SCAPER: variants seen among roughly 807,000 people sequenced by gnomAD.
SCAPER encodes S-phase cyclin A associated protein in the ER.
In SCAPER, 98 loss-of-function variants were observed where a neutral mutation model predicts 182.2. The observed-to-expected ratio is 0.54, with a 90% CI of 0.46 to 0.64. The LOEUF (loss-of-function observed/expected upper bound fraction) is 0.64, where lower values mean the gene tolerates loss of function less well. SCAPER is among the 30% of genes least tolerant of loss of function. The pLI is 0.00. For missense variants in SCAPER, 1,432 were observed against 1,690.0 expected (o/e 0.85, Z 2.68); for synonymous variants, 605 against 564.6 (o/e 1.07, Z -1.01).
At chr15:76,843,828 T>C (rs1183071465) in intron 4 of SCAPER, among the ~76,000 whole-genome samples, 1 of 152,026 alleles carries the variant, frequency 6.6e-6, no homozygotes, top group Non-Finnish European at 1.5e-5. Flanking sequence ...GCTGGTTAAC[T>C]AGTAGAGAGT....
At chr15:76,826,235 A>C (rs2068004844) in intron 5 of SCAPER, among the ~76,000 whole-genome samples, 1 of 152,054 alleles carries the variant, frequency 6.6e-6, no homozygotes, top group Non-Finnish European at 1.5e-5. Context: ...TGCAGTCATA[A>C]AAAATGATGA....
intron 20 of SCAPER, among the ~76,000 whole-genome samples, chr15:76,683,202 G>GA (rs754446859): frequency 3.8e-4 from 57 of 149,018 alleles, no homozygotes; most frequent in African/African-American, 8.8e-4. Context: ...CTCATTTTAT[G>GA]AAAAAAAAAA....
intron 29 of SCAPER, among the ~76,000 whole-genome samples, chr15:76,363,576 T>TG (rs2041599109): frequency 6.6e-6 from 1 of 152,196 alleles, no homozygotes; most frequent in Admixed American, 6.5e-5. Flanking sequence ...GAGTGGTACA[T>TG]GGAGTCAGAA....
At position 76,478,205 on chromosome 15, in the gene SCAPER, C is replaced by T. The variant is rs2050814017; in HGVS notation, c.2955-6870G>A. Among the ~76,000 whole-genome samples the T allele has an allele frequency of 4.7e-5, 7 of 148,160 alleles. No individual in the cohort carries two copies. In the South Asian group the frequency reaches 1.5e-3, roughly 31 times the overall value. On this transcript the variant is annotated intron_variant, in intron 24 of 31. Transcript: ENST00000563290. ...TCAAAATAAAGTTGCTATTTATCAT[C>T]ATCTTTTTGTTAATTGTTCTAGTTT... is the stretch of plus-strand genomic sequence containing the variant.
At chr15:76,699,907 G>A (rs139664258) in intron 20 of SCAPER, among the ~76,000 whole-genome samples, 33 of 152,332 alleles carry the variant, frequency 2.2e-4, no homozygotes, top group African/African-American at 7.9e-4. Flanking sequence ...TACCTGCACC[G>A]GTGCCAGTAG....
rs2079965421 is a variant in SCAPER at position 76,348,299 on chromosome 15, G to C, written c.*334C>G. The C allele has an allele frequency of 6.1e-6, 1 of 163,368 alleles. No individual in the cohort carries two copies. The highest frequency in any genetic ancestry group is 2.4e-5 in the African/African-American group (1 of 41,862). The allele number at this position is 163,368 out of a possible 1,614,324, so 10.1% of individuals were successfully genotyped here. A position where few individuals can be genotyped will look rare whatever the true frequency, so the allele number is the denominator to read the frequency against. On this transcript the variant is annotated 3_prime_UTR_variant, in exon 32 of 32. Coordinates refer to ENST00000563290, the MANE Select transcript of SCAPER (RefSeq NM_020843.4). The stretch of plus-strand genomic sequence containing the variant: ...ACATGAAAAGTCAACAATGAAAACA[G>C]AATAAGTTACTTTATTACAAGAACA...
rs1353333316 is a variant in SCAPER, at chr15:76,828,590, T to C, written c.393+13144A>G. Among the ~76,000 whole-genome samples, 3 of 147,472 alleles carry C rather than the reference T, an allele frequency of 2.0e-5. No individual in the cohort carries two copies. In the East Asian group the frequency reaches 5.9e-4, roughly 29 times the overall value. ...TTACATATACAGGAGAAATTACTTATTTAACCAATCAAACAGTAAAATTTT... is the reference window on the plus strand; with the variant it reads ...TTACATATACAGGAGAAATTACTTACTTAACCAATCAAACAGTAAAATTTT... On this transcript the variant is annotated intron_variant, in intron 5 of 31. Coordinates refer to ENST00000563290, the MANE Select transcript of SCAPER (RefSeq NM_020843.4).
intron 20 of SCAPER, among the ~76,000 whole-genome samples, chr15:76,698,550 C>T (rs1264809540): frequency 6.6e-6 from 1 of 152,134 alleles, no homozygotes; most frequent in Admixed American, 6.5e-5. Flanking sequence ...ATAAAATTAG[C>T]TGTACATTCA....
At chr15:76,411,502 T>C (rs185340019) in intron 26 of SCAPER, among the ~76,000 whole-genome samples, 1 of 152,320 alleles carries the variant, frequency 6.6e-6, no homozygotes, top group Admixed American at 6.5e-5. Flanking sequence ...ACCTGTATGC[T>C]ATGATTTGTT....
At chr15:76,658,790 G>A (rs1463897353) in intron 21 of SCAPER, among the ~76,000 whole-genome samples, 1 of 152,116 alleles carries the variant, frequency 6.6e-6, no homozygotes, top group Admixed American at 6.6e-5. Flanking sequence ...TCTCATCTTT[G>A]ACAAAGTTGA....
chr15:76,825,625 T>A (rs2067947035), intron 5 of SCAPER, among the ~76,000 whole-genome samples: 1 of 152,242 alleles, frequency 6.6e-6, no homozygotes, highest in African/African-American at 2.4e-5. Flanking sequence ...GTAAATTGAC[T>A]ATCTTTTCTC....
rs535986105 is a variant in SCAPER, at chr15:76,809,926, C to A, written c.394-5293G>T. Among the ~76,000 whole-genome samples the A allele has an allele frequency of 1.1e-4, 17 of 152,224 alleles. No homozygotes were observed. In the South Asian group the frequency reaches 3.3e-3, roughly 30 times the overall value. ...CAGTAGATTTTTTAGCAGAACTTTGCAACCCATAAAGGCTGAAGTGATAAA... is the reference window on the plus strand; with the variant it reads ...CAGTAGATTTTTTAGCAGAACTTTGAAACCCATAAAGGCTGAAGTGATAAA... On this transcript the variant is annotated intron_variant, in intron 5 of 31. Transcript: ENST00000563290.
intron 27 of SCAPER, among the ~76,000 whole-genome samples, chr15:76,383,286 T>C (rs2043089945): frequency 6.6e-6 from 1 of 152,162 alleles, no homozygotes; most frequent in African/African-American, 2.4e-5. Context: ...AATTGAGAGG[T>C]GCTGACTGGC....
In SCAPER at chr15:76,753,797, T is replaced by C. The variant is rs772769224; in HGVS notation, c.1866+11A>G. ...GTAATTAAGTCAACATTTAAAGCTC[T>C]TATGATATACCTTAGCTTCTTCTTC... On this transcript the variant is annotated intron_variant, in intron 15 of 31. Coordinates refer to ENST00000563290, the MANE Select transcript of SCAPER (RefSeq NM_020843.4). The C allele has an allele frequency of 4.4e-6, 7 of 1,608,446 alleles. No homozygotes were observed.
intron 23 of SCAPER, among the ~76,000 whole-genome samples, chr15:76,564,906 A>G (rs2145207210): frequency 6.6e-6 from 1 of 152,322 alleles, no homozygotes; most frequent in East Asian, 1.9e-4. Flanking sequence ...CCTGACAAAA[A>G]CAAGCAATGG....
chr15:76,901,554 T>A (rs770985623), intron 1 of SCAPER, among the ~76,000 whole-genome samples: 12 of 152,230 alleles, frequency 7.9e-5, no homozygotes, highest in Non-Finnish European at 1.8e-4. Context: ...AGCTAATTTT[T>A]GAAATAGATT....
chr15:76,679,707 C>T (rs2057576852), intron 20 of SCAPER, among the ~76,000 whole-genome samples: 2 of 152,124 alleles, frequency 1.3e-5, no homozygotes, highest in African/African-American at 4.8e-5. Flanking sequence ...TGACAGTTCA[C>T]CATCTGTCCC....
At chr15:76,429,632 AG>A (rs917163119) in intron 26 of SCAPER, among the ~76,000 whole-genome samples, 1 of 152,128 alleles carries the variant, frequency 6.6e-6, no homozygotes, top group African/African-American at 2.4e-5. Context: ...GAGATGATTT[AG>A]GGTATCTGGC....
rs2062601725 is a variant in SCAPER at position 76,758,844 on chromosome 15, A to G, written c.1726-4896T>C. Among the ~76,000 whole-genome samples the G allele has an allele frequency of 2.6e-5, 4 of 152,164 alleles. No homozygotes were observed. In the South Asian group the frequency reaches 8.3e-4, roughly 32 times the overall value. On this transcript the variant is annotated intron_variant, in intron 14 of 31. Coordinates refer to ENST00000563290, the MANE Select transcript of SCAPER (RefSeq NM_020843.4). The stretch of plus-strand genomic sequence containing the variant: ...AAGTATTTTATTCTTTTTGTTGCTA[A>G]TATAAAGAAAACTGTATCCTTAATT...
Sources: gnomAD v4.1 joint callset for allele counts (sites outside exome capture counted in the v4.1 genomes callset) on GRCh38, gnomAD v4.1.1 for gene constraint, MANE v1.5 for transcripts, NCBI Gene and HGNC (gene_info 2026-07-23, HGNC 2026-07-21) for gene names.